The following RELN variants were observed in gnomAD, a reference collection of about 807,000 sequenced individuals.
The protein encoded by RELN is reelin.
A neutral mutation model predicts 427.6 loss-of-function variants in RELN; 108 were observed. The observed-to-expected ratio is 0.25, with a 90% CI of 0.22 to 0.30. The LOEUF (loss-of-function observed/expected upper bound fraction) is 0.30, where lower values mean the gene tolerates loss of function less well. RELN is among the 10% of genes least tolerant of loss of function. The pLI is 1.00. For synonymous variants in RELN, 1,524 were observed against 1,513.4 expected, an observed-to-expected ratio of 1.01 and a Z score of -0.16; for missense variants, 3,715 against 4,302.8, an observed-to-expected ratio of 0.86 and a Z score of 3.82.
rs1794713644 is a variant in RELN at position 103,885,760 on chromosome 7, C to T, written c.337+31315G>A. Among the ~76,000 whole-genome samples, 3 of 152,092 alleles carry T rather than the reference C, an allele frequency of 2.0e-5. No homozygotes were observed. The South Asian group carries it at 6.2e-4, about 32-fold the overall frequency. On this transcript the variant is annotated intron_variant, in intron 2 of 64. Coordinates refer to ENST00000428762, the MANE Select transcript of RELN (RefSeq NM_005045.4). ...TTTTAAAAAAGAAATCCTCCTGCTC[C>T]ATCATAGTTCACACTCTCATTACCC... is the stretch of plus-strand genomic sequence containing the variant.
intron 11 of RELN, among the ~76,000 whole-genome samples, chr7:103,670,852 G>A (rs909702086): frequency 2.6e-5 from 4 of 151,852 alleles, no homozygotes; most frequent in African/African-American, 7.3e-5. Context: ...TAAACGTAAT[G>A]GAACATTTCA....
At chr7:103,903,679 A>G (rs1009898375) in intron 2 of RELN, among the ~76,000 whole-genome samples, 3 of 152,056 alleles carry the variant, frequency 2.0e-5, no homozygotes, top group African/African-American at 4.8e-5. Flanking sequence ...ATATGATTAT[A>G]TATGTTTCCT....
In RELN at chr7:103,550,946, G is replaced by C. The variant is rs542974965; in HGVS notation, c.6302+121C>G. The C allele has an allele frequency of 3.8e-6, 3 of 795,810 alleles. No homozygotes were observed. The African/African-American group carries it at 5.1e-5, about 13-fold the overall frequency. The allele number at this position is 795,810 out of a possible 1,614,324, so 49.3% of individuals were successfully genotyped here. A position where few individuals can be genotyped will look rare whatever the true frequency, so the allele number is the denominator to read the frequency against. On this transcript the variant is annotated intron_variant, in intron 41 of 64. Coordinates refer to ENST00000428762, the MANE Select transcript of RELN (RefSeq NM_005045.4). ...ATTTTAAATATCCACTGATCTGCTT[G>C]AGAACAGAGGAAGAAACGTCAGGTG... is the stretch of plus-strand genomic sequence containing the variant.
chr7:103,969,958 A>T (rs910718224), intron 1 of RELN, among the ~76,000 whole-genome samples: 31 of 152,128 alleles, frequency 2.0e-4, no homozygotes, highest in African/African-American at 7.2e-4. Context: ...TTATTCACAG[A>T]TTCCTTATTT....
At chr7:103,578,272 T>C (rs1257103814) in intron 28 of RELN, among the ~76,000 whole-genome samples, 1 of 152,118 alleles carries the variant, frequency 6.6e-6, no homozygotes, top group Non-Finnish European at 1.5e-5. Flanking sequence ...TGCACTGTTA[T>C]ATGTTTGAGA....
In RELN at chr7:103,953,558, G is replaced by A. The variant is rs188074597; in HGVS notation, c.226+35573C>T. ...ATTTTATATAAAGAATATTAAATAT[G>A]CCAATCTAAATACCAAATGAGAGTG... On this transcript the variant is annotated intron_variant, in intron 1 of 64. Coordinates refer to ENST00000428762, the MANE Select transcript of RELN (RefSeq NM_005045.4). This position sits in a 1 kb window ranked among gnomAD's most constrained non-coding sequence, Gnocchi z 4.3. 5.9e-5 allele frequency among the ~76,000 whole-genome samples: 9 copies of A among 152,286 alleles called. No individual in the cohort carries two copies. Among genetic ancestry groups the A allele is most frequent in the Admixed American group, 3.9e-4 (6 of 15,288 alleles).
intron 3 of RELN, among the ~76,000 whole-genome samples, chr7:103,816,394 C>T (rs1792870131): frequency 6.6e-6 from 1 of 152,056 alleles, no homozygotes; most frequent in Non-Finnish European, 1.5e-5. Context: ...AAAGATGTTG[C>T]ATTACATTAA....
intron 1 of RELN, among the ~76,000 whole-genome samples, chr7:103,976,624 C>G (rs1306341510): frequency 6.6e-6 from 1 of 152,238 alleles, no homozygotes; most frequent in East Asian, 1.9e-4. Context: ...TTAGGAGAGT[C>G]AGGGGAGGGG....
In RELN at chr7:103,565,295, G is replaced by T. The variant is rs587780435; in HGVS notation, c.5193C>A (p.Tyr1731Ter). Residue 1731 changes from tyrosine (Y) to a stop codon, truncating the protein, a stop_gained, in exon 34 of 65, where the codon TAC becomes TAA. Transcript: ENST00000428762. LOFTEE classifies it high-confidence loss of function. ...ATTCTCACATGGTGGAGAGTGGAAG[G>T]TAGACAGTGATCCGCTTCCAATTCT... Reference protein sequence around the residue: ...RFQNWKRITVYLPLSTISPRT... With the variant: ...RFQNWKRITV 2 of 1,614,156 alleles carry T rather than the reference G, an allele frequency of 1.2e-6. No individual in the cohort carries two copies. The highest frequency in any genetic ancestry group is 1.7e-6 in the Non-Finnish European group (2 of 1,179,982).
intron 3 of RELN, among the ~76,000 whole-genome samples, chr7:103,782,348 A>T (rs1791912448): frequency 6.6e-6 from 1 of 152,190 alleles, no homozygotes; most frequent in Non-Finnish European, 1.5e-5. Flanking sequence ...AAGGAGAAAG[A>T]CCAGTGACAG....
chr7:103,537,311 C>T (rs961125246), intron 45 of RELN, among the ~76,000 whole-genome samples: 5 of 152,148 alleles, frequency 3.3e-5, no homozygotes, highest in Non-Finnish European at 7.4e-5. Context: ...CAGAGGTGAC[C>T]ACTGTGGTTT....
At chr7:103,701,530 A>G (rs1018042896) in intron 8 of RELN, among the ~76,000 whole-genome samples, 1 of 152,160 alleles carries the variant, frequency 6.6e-6, no homozygotes, top group African/African-American at 2.4e-5. Context: ...TGTGATTGAT[A>G]TTACTCTCCC....
chr7:103,497,684 A>C, intron 55 of RELN, 136 bp downstream of exon 55: 1 of 758,868 alleles, frequency 1.3e-6, no homozygotes, highest in Non-Finnish European at 2.3e-6. Flanking sequence ...AATACAAACA[A>C]AATCTGTAGC....
chr7:103,700,379 A>G (rs1478345318), intron 9 of RELN, among the ~76,000 whole-genome samples: 2 of 152,146 alleles, frequency 1.3e-5, no homozygotes, highest in Admixed American at 6.6e-5. Context: ...ATATTTTTTA[A>G]TAAAGAAAAT....
In RELN at chr7:103,839,003, A is replaced by G. The variant is rs113153902; in HGVS notation, c.338-5331T>C. ...GATTCTGAGTTAACTGTTTTGAAGT[A>G]TGGTATGGGTATTGAGATTTTGTAA... On this transcript the variant is annotated intron_variant, in intron 2 of 64. Coordinates refer to ENST00000428762, the MANE Select transcript of RELN (RefSeq NM_005045.4). Among the ~76,000 whole-genome samples the G allele has an allele frequency of 1.7e-3, 252 of 152,328 alleles. 1 individual carries two copies. The highest frequency in any genetic ancestry group is 5.9e-3 in the African/African-American group (244 of 41,574).
chr7:103,632,640 T>A (rs539788006), intron 19 of RELN, among the ~76,000 whole-genome samples: 2 of 152,150 alleles, frequency 1.3e-5, no homozygotes, highest in African/African-American at 4.8e-5. Context: ...GATCAGAATA[T>A]TCCTAGAAGA....
At chr7:103,594,013 T>C in intron 26 of RELN, 131 bp from the exon 27 acceptor site, 1 of 592,050 alleles carries the variant, frequency 1.7e-6, no homozygotes, top group South Asian at 1.8e-5. Flanking sequence ...GAATCTCTAT[T>C]TTTTTTTACT....
chr7:103,914,839 G>A (rs912839118), intron 2 of RELN, among the ~76,000 whole-genome samples: 9 of 151,994 alleles, frequency 5.9e-5, no homozygotes, highest in African/African-American at 1.7e-4. Context: ...CACCTTACAC[G>A]CCTTGCCATA....
chr7:103,521,121 C>T (rs1002753311), intron 48 of RELN, among the ~76,000 whole-genome samples: 87 of 150,646 alleles, frequency 5.8e-4, no homozygotes, highest in Admixed American at 1.1e-3. Context: ...GGACTACAGG[C>T]GCCCGCCACC....
Sources: gnomAD v4.1 joint callset for allele counts (sites outside exome capture counted in the v4.1 genomes callset) on GRCh38, gnomAD v4.1.1 for gene constraint, Gnocchi (gnomAD v3.1) non-coding constraint, MANE v1.5 for transcripts, NCBI Gene and HGNC (gene_info 2026-07-23, HGNC 2026-07-21) for gene names.